Variants in ASCC1 observed in about 807,000 individuals in gnomAD.
The protein encoded by ASCC1 is ASC-1 complex subunit P50.
ASCC1 carries 35 observed loss-of-function variants against 46.6 expected under a neutral mutation model. The ratio of observed to expected loss-of-function variants is 0.75; its 90% CI spans 0.57 to 0.99. The LOEUF is 0.99. ASCC1 is among the 50% of genes least tolerant of loss of function. The pLI is 0.00. For missense variants in ASCC1, 376 were observed against 428.7 expected (o/e 0.88, Z 1.09); for synonymous variants, 143 against 146.6 (o/e 0.98, Z 0.18).
chr10:72,190,953 G>A lies in ASCC1; in HGVS notation c.489+5858C>T, dbSNP rs1395197222. On this transcript the variant is annotated intron_variant, in intron 5 of 9. Coordinates refer to ENST00000672957, the MANE Select transcript of ASCC1 (RefSeq NM_001198800.3). ...GGAGGTTGCCGTGAGCCAAGATCGC[G>A]CCATTGCACTCCAGCCTTGGCGACA... Among the ~76,000 whole-genome samples the A allele has an allele frequency of 4.5e-5, 6 of 132,170 alleles. No homozygotes were observed. In the East Asian group the frequency reaches 1.1e-3, roughly 24 times the overall value. The allele number at this position is 132,170 out of a possible 152,430, so 86.7% of individuals were successfully genotyped here. A position where few individuals can be genotyped will look rare whatever the true frequency, so the allele number is the denominator to read the frequency against.
At chr10:72,106,525 G>A (rs577054875) in intron 9 of ASCC1, among the ~76,000 whole-genome samples, 5 of 152,110 alleles carry the variant, frequency 3.3e-5, no homozygotes, top group South Asian at 2.1e-4. Context: ...CAATTATCCC[G>A]TTTATAGATA....
intron 4 of ASCC1, 28 bp from the exon 5 acceptor site, chr10:72,197,017 G>A: frequency 6.2e-7 from 1 of 1,611,586 alleles, no homozygotes; most frequent in Non-Finnish European, 8.5e-7. Flanking sequence ...AGGGTAAACT[G>A]CTCAAGGACC....
upstream of ASCC1, chr10:72,216,352 A>G (rs929548949): frequency 8.2e-5 from 14 of 170,906 alleles, no homozygotes; most frequent in South Asian, 3.4e-4. Flanking sequence ...GACAGCGCCG[A>G]TGGCGTAGTT....
intron 5 of ASCC1, among the ~76,000 whole-genome samples, chr10:72,173,802 C>G (rs1851535918): frequency 6.6e-6 from 1 of 152,154 alleles, no homozygotes; most frequent in African/African-American, 2.4e-5. Context: ...GAATGAAGAC[C>G]AACGAACATC....
intron 9 of ASCC1, among the ~76,000 whole-genome samples, chr10:72,116,454 C>T (rs1843504286): frequency 6.6e-6 from 1 of 152,172 alleles, no homozygotes. Flanking sequence ...ATTCATTGGG[C>T]TTCTTTAATC....
At chr10:72,216,750 G>C (rs1859420153), upstream of ASCC1, 1 of 451,568 alleles carries the variant, frequency 2.2e-6, no homozygotes, top group East Asian at 7.0e-5. Context: ...TCTTAGCTCG[G>C]ACACAGCAAT....
At chr10:72,136,825 C>T (rs553660280) in intron 7 of ASCC1, among the ~76,000 whole-genome samples, 29 of 152,034 alleles carry the variant, frequency 1.9e-4, no homozygotes, top group African/African-American at 4.1e-4. Context: ...ACTCCGGATG[C>T]GCCACCTTTA....
intron 5 of ASCC1, among the ~76,000 whole-genome samples, chr10:72,170,771 G>T (rs1850975508): frequency 6.6e-6 from 1 of 152,036 alleles, no homozygotes; most frequent in South Asian, 2.1e-4. Flanking sequence ...GACAAAATTT[G>T]AACGTGGATG....
At chr10:72,129,674 C>T (rs578241220) in intron 8 of ASCC1, among the ~76,000 whole-genome samples, 50 of 152,098 alleles carry the variant, frequency 3.3e-4, no homozygotes, top group Non-Finnish European at 4.7e-4. Flanking sequence ...GGCATGGTGG[C>T]GCACACCTGT....
intron 9 of ASCC1, chr10:72,102,971 T>C: frequency 2.2e-6 from 1 of 449,420 alleles, no homozygotes; most frequent in Non-Finnish European, 4.5e-6. Flanking sequence ...CAAAGCTCTG[T>C]CTCAAAACAA....
intron 4 of ASCC1, chr10:72,198,671 T>C (rs2133318132): frequency 2.2e-6 from 1 of 455,992 alleles, no homozygotes; most frequent in African/African-American, 2.0e-5. Context: ...TTTCTCTAAT[T>C]TAGGAGACAC....
At chr10:72,118,107 C>T (rs988380033) in intron 9 of ASCC1, among the ~76,000 whole-genome samples, 2 of 152,204 alleles carry the variant, frequency 1.3e-5, no homozygotes, top group African/African-American at 4.8e-5. Context: ...GTGGCTCACG[C>T]CTGTAATCCC....
chr10:72,212,568 C>T (rs1325605685), intron 2 of ASCC1, among the ~76,000 whole-genome samples: 1 of 152,098 alleles, frequency 6.6e-6, no homozygotes, highest in Admixed American at 6.6e-5. Flanking sequence ...TACTTTAGGG[C>T]CAAGTGCGGT....
chr10:72,203,317 A>T, intron 4 of ASCC1, 110 bp downstream of exon 4: 1 of 851,668 alleles, frequency 1.2e-6, no homozygotes, highest in East Asian at 2.4e-5. Context: ...GAAAAAGCCC[A>T]TAGCTAGAAC....
chr10:72,206,745 C>G (rs1400414881), intron 3 of ASCC1, among the ~76,000 whole-genome samples: 1 of 152,112 alleles, frequency 6.6e-6, no homozygotes, highest in Admixed American at 6.6e-5. Flanking sequence ...GAATCCCTGA[C>G]CCGTTTATGG....
chr10:72,100,401 T>A (rs1050939048), intron 9 of ASCC1, among the ~76,000 whole-genome samples: 1 of 152,058 alleles, frequency 6.6e-6, no homozygotes, highest in Non-Finnish European at 1.5e-5. Flanking sequence ...AATTTCTGTA[T>A]TTTTCAGTAG....
chr10:72,217,048 C>CAG, upstream of ASCC1: 1 of 454,204 alleles, frequency 2.2e-6, no homozygotes, highest in Non-Finnish European at 4.4e-6. Flanking sequence ...GTCGTTTGTT[C>CAG]ATCATTCATT....
At chr10:72,098,322 A>G (rs1841331594) in intron 9 of ASCC1, among the ~76,000 whole-genome samples, 1 of 152,222 alleles carries the variant, frequency 6.6e-6, no homozygotes, top group Non-Finnish European at 1.5e-5. Context: ...GGATGTAGGA[A>G]TTGCTCTTTC....
intron 2 of ASCC1, among the ~76,000 whole-genome samples, chr10:72,212,671 A>G (rs760542664): frequency 5.3e-5 from 8 of 152,056 alleles, no homozygotes; most frequent in Non-Finnish European, 7.4e-5. Context: ...AACATGGTGA[A>G]ACCCTGTCTC....
Sources: allele counts gnomAD v4.1 joint callset (sites outside exome capture counted in the v4.1 genomes callset), GRCh38; gene constraint gnomAD v4.1.1; transcripts MANE v1.5; gene names NCBI Gene and HGNC (gene_info 2026-07-23, HGNC 2026-07-21).